The following GLCE variants were observed in gnomAD, a reference collection of about 807,000 sequenced individuals.
GLCE encodes glucuronic acid epimerase.
GLCE carries 19 observed loss-of-function variants against 47.9 expected under a neutral mutation model. That is an observed-to-expected ratio of 0.40 (90% CI 0.28 to 0.58). The LOEUF is 0.58. Ranked by LOEUF, GLCE falls within the 20% of genes least tolerant of loss-of-function variation. GLCE has a pLI of 0.48. For missense variants in GLCE, 556 were observed against 743.3 expected, an observed-to-expected ratio of 0.75 and a Z score of 2.93; for synonymous variants, 245 against 263.4, an observed-to-expected ratio of 0.93 and a Z score of 0.68.
chr15:69,269,508 A>G lies in GLCE; in HGVS notation c.*264A>G, dbSNP rs1448236536. 1.1e-5 allele frequency: 5 copies of G among 449,828 alleles called. No individual in the cohort carries two copies. Among genetic ancestry groups the G allele is most frequent in the South Asian group, 3.4e-5 (1 of 29,120 alleles). 27.9% of individuals were successfully genotyped at this position (449,828 alleles called of 1,614,324 possible). On this transcript the variant is annotated 3_prime_UTR_variant, in exon 5 of 5. Transcript: ENST00000261858. ...TTCACTTTGCCTTGCCCATCACCCT[A>G]TACAGTTTCGCAGATAGTCTAGTCA...
At chr15:69,250,309 G>A (rs963723160) in intron 2 of GLCE, among the ~76,000 whole-genome samples, 1 of 151,794 alleles carries the variant, frequency 6.6e-6, no homozygotes, top group Non-Finnish European at 1.5e-5. Flanking sequence ...CTTTAGATGA[G>A]CCTATTTTTT....
intron 2 of GLCE, among the ~76,000 whole-genome samples, chr15:69,233,415 T>A (rs1165476670): frequency 6.6e-6 from 1 of 152,216 alleles, no homozygotes; most frequent in Admixed American, 6.5e-5. Flanking sequence ...TATAAATTTA[T>A]ACCAAGAAAC....
At chr15:69,264,886 GA>G (rs1280878941) in intron 4 of GLCE, among the ~76,000 whole-genome samples, 1 of 151,844 alleles carries the variant, frequency 6.6e-6, no homozygotes, top group Non-Finnish European at 1.5e-5. Flanking sequence ...TTTTTAATCA[GA>G]TTTTTTTTTG....
In GLCE at chr15:69,269,706, T is replaced by G. The variant is rs2053139549; in HGVS notation, c.*462T>G. 1 of 153,860 alleles carries G rather than the reference T, an allele frequency of 6.5e-6. No individual in the cohort carries two copies. The highest frequency in any genetic ancestry group is 2.1e-4 in the South Asian group (1 of 4,862). 9.5% of individuals were successfully genotyped at this position (153,860 alleles called of 1,614,324 possible). On this transcript the variant is annotated 3_prime_UTR_variant, in exon 5 of 5. Transcript: ENST00000261858. Reference sequence around the variant, plus strand: ...AGTAAATATGTACTTGTAGCCTGGATAGCAGACTGTGTTCAACTTTTTAAA... The same window carrying G: ...AGTAAATATGTACTTGTAGCCTGGAGAGCAGACTGTGTTCAACTTTTTAAA...
intron 1 of GLCE, among the ~76,000 whole-genome samples, chr15:69,190,566 A>AAAGATTT (rs2051898249): frequency 6.6e-6 from 1 of 152,152 alleles, no homozygotes; most frequent in East Asian, 1.9e-4. Context: ...ACTGTAAAAT[A>AAAGATTT]TACTTTATCT....
At chr15:69,253,852 G>A (rs937680664) in intron 2 of GLCE, among the ~76,000 whole-genome samples, 1 of 152,128 alleles carries the variant, frequency 6.6e-6, no homozygotes, top group Non-Finnish European at 1.5e-5. Context: ...AACTTTTAAT[G>A]ATTTAAGACA....
At chr15:69,179,233 A>G (rs1461466983) in intron 1 of GLCE, among the ~76,000 whole-genome samples, 1 of 152,232 alleles carries the variant, frequency 6.6e-6, no homozygotes, top group African/African-American at 2.4e-5. Context: ...GGTTGTGTAC[A>G]CTTTTATACT....
intron 1 of GLCE, among the ~76,000 whole-genome samples, chr15:69,169,211 A>G (rs922896696): frequency 6.6e-6 from 1 of 152,134 alleles, no homozygotes; most frequent in African/African-American, 2.4e-5. Flanking sequence ...TCATTATACG[A>G]GTGTCTATTT....
chr15:69,269,095 A>C lies in GLCE; in HGVS notation c.1705A>C (p.Ile569Leu). 1 of 1,614,162 alleles carries C rather than the reference A, an allele frequency of 6.2e-7. No individual in the cohort carries two copies. The highest frequency in any genetic ancestry group is 8.5e-7 in the Non-Finnish European group (1 of 1,180,030). Residue 569 changes from isoleucine (I) to leucine (L), a missense_variant, in exon 5 of 5, where the codon ATC becomes CTC. This residue lies in a region of GLCE where 245 missense variants were observed against 368.1 expected (regional missense o/e 0.67). Coordinates refer to ENST00000261858, the MANE Select transcript of GLCE (RefSeq NM_015554.3). The part of the protein sequence containing the change: ...IYDLRHFMLG[I>L]APNLARWDYH... ...TGACCTCCGTCACTTCATGCTTGGC[A>C]TCGCTCCTAACCTGGCTCGCTGGGA...
At chr15:69,213,376 A>G (rs571369638) in intron 2 of GLCE, among the ~76,000 whole-genome samples, 2 of 152,140 alleles carry the variant, frequency 1.3e-5, no homozygotes, top group African/African-American at 4.8e-5. Context: ...CGTGTCTCTC[A>G]TGATTTTCAC....
intron 2 of GLCE, among the ~76,000 whole-genome samples, chr15:69,220,952 G>T (rs2052369606): frequency 6.6e-6 from 1 of 152,156 alleles, no homozygotes; most frequent in Non-Finnish European, 1.5e-5. Context: ...ATATGGTAAG[G>T]ATCCAGCTTC....
At chr15:69,195,791 C>T (rs191915657) in intron 1 of GLCE, among the ~76,000 whole-genome samples, 1 of 151,986 alleles carries the variant, frequency 6.6e-6, no homozygotes, top group African/African-American at 2.4e-5. Context: ...AAATTACTCC[C>T]CTATATTACA....
intron 2 of GLCE, among the ~76,000 whole-genome samples, chr15:69,221,324 A>G (rs1330418032): frequency 1.3e-5 from 2 of 152,132 alleles, no homozygotes; most frequent in South Asian, 4.1e-4. Flanking sequence ...GAATCTGTAG[A>G]TTGCTTTGTG....
intron 2 of GLCE, among the ~76,000 whole-genome samples, chr15:69,222,147 C>G (rs2052385596): frequency 3.3e-5 from 5 of 152,204 alleles, no homozygotes; most frequent in Admixed American, 3.3e-4. Context: ...GGACTGAATC[C>G]ACAGCTTTGT....
intron 1 of GLCE, among the ~76,000 whole-genome samples, chr15:69,190,082 A>G (rs914002840): frequency 1.4e-4 from 21 of 149,636 alleles, no homozygotes; most frequent in African/African-American, 5.2e-4. Context: ...TAGTTTCCAG[A>G]TGTTTGGAGA....
At chr15:69,230,302 A>T (rs938792134) in intron 2 of GLCE, among the ~76,000 whole-genome samples, 1 of 152,106 alleles carries the variant, frequency 6.6e-6, no homozygotes, top group African/African-American at 2.4e-5. Context: ...CACAATTAGT[A>T]TCAGATAAAG....
intron 3 of GLCE, among the ~76,000 whole-genome samples, chr15:69,256,866 C>T (rs1461281626): frequency 1.3e-5 from 2 of 152,096 alleles, no homozygotes; most frequent in Admixed American, 1.3e-4. Context: ...ATACTGAACT[C>T]CTAGTCTATT....
rs547276108 is a variant in GLCE at position 69,267,631 on chromosome 15, G to A, written c.830-589G>A. On this transcript the variant is annotated intron_variant, in intron 4 of 4. Coordinates refer to ENST00000261858, the MANE Select transcript of GLCE (RefSeq NM_015554.3). ...CCTGGGTTCAAGTCTTGTACCTTGG[G>A]CAAGTTACTTCTTTGTGTCTCAGTT... is the stretch of plus-strand genomic sequence containing the variant. 1.2e-4 allele frequency among the ~76,000 whole-genome samples: 18 copies of A among 152,252 alleles called. 2 individuals are homozygous for A. The South Asian group carries it at 3.7e-3, about 32-fold the overall frequency.
At chr15:69,166,916 A>G (rs1202434034) in intron 1 of GLCE, among the ~76,000 whole-genome samples, 1 of 147,978 alleles carries the variant, frequency 6.8e-6, no homozygotes, top group African/African-American at 2.5e-5. Flanking sequence ...CTCAAAAAAA[A>G]AAAAAAAAAA....
Sources: allele counts gnomAD v4.1 joint callset (sites outside exome capture counted in the v4.1 genomes callset), GRCh38; gene constraint gnomAD v4.1.1; regional missense constraint gnomAD v4.1.1; transcripts MANE v1.5; gene names NCBI Gene and HGNC (gene_info 2026-07-23, HGNC 2026-07-21).